Variants in HMGCLL1 observed in about 807,000 individuals in gnomAD.
HMGCLL1 encodes the protein 3-hydroxy-3-methylglutaryl-CoA lyase like 1, also known as 3-hydroxymethyl-3-methylglutaryl-CoA lyase, cytoplasmic.
Under a neutral mutation model 39.1 loss-of-function variants are expected in HMGCLL1, and 36 were observed. The ratio of observed to expected loss-of-function variants is 0.92; its 90% confidence interval spans 0.71 to 1.22. The LOEUF is 1.22. HMGCLL1 is among the 50% of genes most tolerant of loss of function. The probability of loss-of-function intolerance (pLI) is 0.00; values close to 1 mark genes in which losing one functional copy is unlikely to be tolerated. For missense variants in HMGCLL1, 451 were observed against 416.5 expected, an observed-to-expected ratio of 1.08 and a Z score of -0.72; for synonymous variants, 149 against 144.0, an observed-to-expected ratio of 1.03 and a Z score of -0.25.
chr6:55,554,680 T>C (rs540415511), intron 1 of HMGCLL1, among the ~76,000 whole-genome samples: 2 of 152,222 alleles, frequency 1.3e-5, no homozygotes, highest in South Asian at 4.1e-4. Context: ...CTTAGGCATT[T>C]AGAGGAAGCT....
the HMGCLL1 span, among the ~76,000 whole-genome samples, chr6:55,608,153 C>A: frequency 6.6e-6 from 1 of 152,170 alleles, no homozygotes; most frequent in Non-Finnish European, 1.5e-5. Flanking sequence ...TCCCACTCTA[C>A]ACTGCTTCCT....
the HMGCLL1 span, among the ~76,000 whole-genome samples, chr6:55,671,581 G>A: frequency 3.3e-5 from 5 of 151,858 alleles, no homozygotes; most frequent in African/African-American, 1.2e-4. Context: ...AACCAGCAAA[G>A]ACATATAAAA....
At chr6:55,635,044 A>T in the HMGCLL1 span, among the ~76,000 whole-genome samples, 1 of 152,118 alleles carries the variant, frequency 6.6e-6, no homozygotes, top group Admixed American at 6.6e-5. Flanking sequence ...TAAACTGAAA[A>T]TAAAGTGACT....
the HMGCLL1 span, among the ~76,000 whole-genome samples, chr6:55,634,400 G>A: frequency 1.3e-5 from 2 of 151,704 alleles, no homozygotes; most frequent in Admixed American, 1.3e-4. Context: ...GAATCCCTGA[G>A]TAAGCTTTTG....
the HMGCLL1 span, among the ~76,000 whole-genome samples, chr6:55,604,603 C>A: frequency 3.9e-5 from 6 of 152,176 alleles, no homozygotes; most frequent in East Asian, 9.7e-4. Context: ...ATGGAATTTT[C>A]AAGGGCTATT....
chr6:55,474,948 T>C (rs1765220689), intron 7 of HMGCLL1, among the ~76,000 whole-genome samples: 1 of 151,650 alleles, frequency 6.6e-6, no homozygotes, highest in Non-Finnish European at 1.5e-5. Context: ...TGTAATCTGC[T>C]GTTATTAGAC....
At chr6:55,437,196 G>A (rs1279111410) in intron 8 of HMGCLL1, among the ~76,000 whole-genome samples, 1 of 151,938 alleles carries the variant, frequency 6.6e-6, no homozygotes, top group Non-Finnish European at 1.5e-5. Flanking sequence ...AAACAACACT[G>A]CATGTATTCT....
At chr6:55,589,517 C>T in the HMGCLL1 span, among the ~76,000 whole-genome samples, 2 of 152,144 alleles carry the variant, frequency 1.3e-5, no homozygotes, top group Non-Finnish European at 2.9e-5. Flanking sequence ...TCTCTCACCA[C>T]TCCTATTCAA....
At chr6:55,495,795 G>C (rs556004592) in intron 6 of HMGCLL1, among the ~76,000 whole-genome samples, 188 bp from the exon 7 acceptor site, 1 of 152,128 alleles carries the variant, frequency 6.6e-6, no homozygotes, top group East Asian at 1.9e-4. Flanking sequence ...ATAAGACTTT[G>C]AGATTATTGC....
chr6:55,638,697 A>G, the HMGCLL1 span, among the ~76,000 whole-genome samples: 2 of 152,282 alleles, frequency 1.3e-5, no homozygotes, highest in Non-Finnish European at 2.9e-5. Flanking sequence ...TGCCTAATCC[A>G]CAGGATTCTT....
At chr6:55,616,980 A>T in the HMGCLL1 span, among the ~76,000 whole-genome samples, 2 of 152,128 alleles carry the variant, frequency 1.3e-5, no homozygotes, top group Non-Finnish European at 2.9e-5. Context: ...AATTCAAAAA[A>T]TCTGCCAGAT....
intron 1 of HMGCLL1, among the ~76,000 whole-genome samples, chr6:55,549,653 T>C (rs1019673660): frequency 2.6e-5 from 4 of 151,982 alleles, no homozygotes; most frequent in Non-Finnish European, 1.5e-5. Context: ...CATAGCAGTG[T>C]GTTAGCTGAG....
intron 7 of HMGCLL1, among the ~76,000 whole-genome samples, chr6:55,443,352 G>A (rs1050859978): frequency 2.6e-5 from 4 of 152,126 alleles, no homozygotes; most frequent in Non-Finnish European, 4.4e-5. Flanking sequence ...GCTTCAGCCC[G>A]AAATGTGGAT....
At chr6:55,513,461 A>G (rs938373127) in intron 5 of HMGCLL1, 1 of 152,194 alleles carries the variant, frequency 6.6e-6, no homozygotes, top group African/African-American at 2.4e-5. Context: ...TTTATCTTCT[A>G]TAAGCAATTT....
At chr6:55,614,185 T>C in the HMGCLL1 span, among the ~76,000 whole-genome samples, 2 of 152,156 alleles carry the variant, frequency 1.3e-5, no homozygotes, top group Non-Finnish European at 2.9e-5. Context: ...GACTGAATTC[T>C]GTCTCTCCAA....
At chr6:55,452,107 C>G (rs1764120934) in intron 7 of HMGCLL1, among the ~76,000 whole-genome samples, 1 of 152,094 alleles carries the variant, frequency 6.6e-6, no homozygotes, top group Non-Finnish European at 1.5e-5. Context: ...ATTATAAAAA[C>G]TGAAGACACA....
rs745968835 is a variant in HMGCLL1, at chr6:55,495,515, C to T, written c.699G>A (p.Leu233=). The stretch of plus-strand genomic sequence containing the variant: ...GTGGGATTTCTTTCATCACACTTTC[C>T]AACATTCTTTTCATACTTCCTGGAG... ...VGTPGSMKRM[L]ESVMKEIPPG... is the part of the protein sequence containing the mutation. Residue 233 remains leucine, a synonymous_variant, in exon 7 of 9, where the codon TTG becomes TTA. Coordinates refer to ENST00000274901, the MANE Select transcript of HMGCLL1 (RefSeq NM_001042406.2). 18 of 1,613,814 alleles carry T rather than the reference C, an allele frequency of 1.1e-5. No individual in the cohort carries two copies. Among genetic ancestry groups the T allele is most frequent in the Non-Finnish European group, 1.5e-5 (18 of 1,179,798 alleles).
intron 7 of HMGCLL1, among the ~76,000 whole-genome samples, chr6:55,493,718 GTTT>G (rs1160497836): frequency 3.2e-5 from 4 of 126,720 alleles, no homozygotes. Context: ...TTCTGTTTTT[GTTT>G]TTTTTGTTTT....
At chr6:55,623,144 T>A in the HMGCLL1 span, among the ~76,000 whole-genome samples, 1 of 152,042 alleles carries the variant, frequency 6.6e-6, no homozygotes, top group Non-Finnish European at 1.5e-5. Context: ...TCCATTTTTT[T>A]CTTAGCCTGG....
Sources: gnomAD v4.1 joint callset for allele counts (sites outside exome capture counted in the v4.1 genomes callset) on GRCh38, gnomAD v4.1.1 for gene constraint, MANE v1.5 for transcripts, NCBI Gene and HGNC (gene_info 2026-07-23, HGNC 2026-07-21) for gene names.